The following SLC30A8 variants were observed in gnomAD, a reference collection of about 807,000 sequenced individuals.
SLC30A8 encodes proton-coupled zinc antiporter SLC30A8.
In SLC30A8, 27 loss-of-function variants were observed where a neutral mutation model predicts 36.9. That is an observed-to-expected ratio of 0.73 (90% confidence interval 0.54 to 1.01). The LOEUF is 1.01. Ranked by LOEUF, SLC30A8 falls within the 50% of genes least tolerant of loss-of-function variation. SLC30A8 has a pLI of 0.00. For missense variants in SLC30A8, 439 were observed against 452.0 expected (o/e 0.97, Z 0.26); for synonymous variants, 164 against 172.4 (o/e 0.95, Z 0.38).
chr8:117,089,658 G>A (rs967050039), intron 2 of SLC30A8, among the ~76,000 whole-genome samples: 4 of 152,158 alleles, frequency 2.6e-5, no homozygotes, highest in Non-Finnish European at 4.4e-5. Context: ...CTAGCTGTCT[G>A]CAATGTATAC....
At chr8:116,989,150 C>T (rs1441652136) in intron 1 of SLC30A8, among the ~76,000 whole-genome samples, 1 of 152,158 alleles carries the variant, frequency 6.6e-6, no homozygotes, top group African/African-American at 2.4e-5. Context: ...AAGATGCTGG[C>T]AACTTTGAAT....
At chr8:117,065,172 A>G (rs1818131326) in intron 2 of SLC30A8, among the ~76,000 whole-genome samples, 1 of 152,194 alleles carries the variant, frequency 6.6e-6, no homozygotes, top group African/African-American at 2.4e-5. Context: ...ACCATAAACT[A>G]TGGAAAAGTG....
At chr8:116,953,575 A>G (rs370051911) in intron 1 of SLC30A8, among the ~76,000 whole-genome samples, 11 of 152,020 alleles carry the variant, frequency 7.2e-5, no homozygotes, top group East Asian at 1.9e-4. Context: ...AAACACTTCT[A>G]CTATCATCTC....
intron 2 of SLC30A8, among the ~76,000 whole-genome samples, chr8:117,110,074 G>A (rs1050427033): frequency 6.6e-6 from 1 of 152,126 alleles, no homozygotes; most frequent in Non-Finnish European, 1.5e-5. Context: ...ATTACGCCTT[G>A]TAAGATAGAT....
intron 1 of SLC30A8, among the ~76,000 whole-genome samples, chr8:116,954,819 T>C (rs972292506): frequency 1.1e-4 from 17 of 152,178 alleles, no homozygotes; most frequent in African/African-American, 3.4e-4. Flanking sequence ...TGTTAATGGA[T>C]AGCCAAATAA....
chr8:117,027,988 G>T (rs1411167841), intron 1 of SLC30A8, among the ~76,000 whole-genome samples: 1 of 152,110 alleles, frequency 6.6e-6, no homozygotes, highest in Non-Finnish European at 1.5e-5. Context: ...TATTTACAAA[G>T]AATTTAAAAC....
At position 117,171,065 on chromosome 8, in the gene SLC30A8, G is replaced by A; in HGVS notation, c.861G>A (p.Val287=). 6.2e-7 allele frequency: 1 copy of A among 1,610,642 alleles called. No homozygotes were observed. Among genetic ancestry groups the A allele is most frequent in the Non-Finnish European group, 8.5e-7 (1 of 1,178,368 alleles). ...CAAAGAGCCTGAATTACAGTGGTGT[G>A]AAAGAGCTTATTTTAGCAGTCGACG... ...GVPKSLNYSG[V]KELILAVDGV... Residue 287 remains valine, a synonymous_variant, in exon 7 of 8, where the codon GTG becomes GTA. Coordinates refer to ENST00000456015, the MANE Select transcript of SLC30A8 (RefSeq NM_173851.3).
rs1218360025 is a variant in SLC30A8 at position 117,173,408 on chromosome 8, C to G, written c.*727C>G. On this transcript the variant is annotated 3_prime_UTR_variant, in exon 8 of 8. Coordinates refer to ENST00000456015, the MANE Select transcript of SLC30A8 (RefSeq NM_173851.3). ...AGCCAAAGAATGTGGTTGTAGAGAC[C>G]CAGAAGTCTTCAAGAACAGCCGACA... 1 of 152,036 alleles carries G rather than the reference C, an allele frequency of 6.6e-6. No individual in the cohort carries two copies. Among genetic ancestry groups the G allele is most frequent in the Admixed American group, 6.6e-5 (1 of 15,256 alleles). 9.4% of individuals were successfully genotyped at this position (152,036 alleles called of 1,614,324 possible). A position where few individuals can be genotyped will look rare whatever the true frequency, so the allele number is the denominator to read the frequency against.
At chr8:117,172,510 A>C in intron 7 of SLC30A8, 26 bp from the exon 8 acceptor site, 1 of 1,613,400 alleles carries the variant, frequency 6.2e-7, no homozygotes, top group Non-Finnish European at 8.5e-7. Flanking sequence ...ATCAGTGCTA[A>C]TCTCCCTGTG....
chr8:117,163,230 T>C (rs1428236915), intron 5 of SLC30A8, among the ~76,000 whole-genome samples, 195 bp from the exon 6 acceptor site: 1 of 152,224 alleles, frequency 6.6e-6, no homozygotes, highest in Non-Finnish European at 1.5e-5. Flanking sequence ...CTTTATTTGC[T>C]GGTAGTTTAA....
intron 2 of SLC30A8, among the ~76,000 whole-genome samples, chr8:117,047,027 C>G (rs191139822): frequency 1.3e-5 from 2 of 152,104 alleles, no homozygotes; most frequent in Non-Finnish European, 2.9e-5. Context: ...CCATGGATTG[C>G]CTGCTTTTGG....
intron 1 of SLC30A8, among the ~76,000 whole-genome samples, chr8:116,955,591 G>A (rs965013983): frequency 6.6e-6 from 1 of 151,944 alleles, no homozygotes; most frequent in African/African-American, 2.4e-5. Context: ...TTAGCCAGAC[G>A]TGATGGTGCA....
chr8:116,959,368 A>G (rs1271392638), intron 1 of SLC30A8, among the ~76,000 whole-genome samples: 1 of 152,166 alleles, frequency 6.6e-6, no homozygotes, highest in African/African-American at 2.4e-5. Context: ...ATAATTTTAT[A>G]GTAACTGTTT....
At chr8:117,002,309 T>G (rs551603975) in intron 1 of SLC30A8, among the ~76,000 whole-genome samples, 1 of 152,318 alleles carries the variant, frequency 6.6e-6, no homozygotes, top group South Asian at 2.1e-4. Context: ...TCCAGGTTGC[T>G]AAGCCCAAGT....
chr8:117,112,029 C>T (rs893251635), intron 2 of SLC30A8, among the ~76,000 whole-genome samples: 1 of 152,150 alleles, frequency 6.6e-6, no homozygotes, highest in African/African-American at 2.4e-5. Flanking sequence ...GCAGCAGCAT[C>T]TGGGCTATGC....
intron 1 of SLC30A8, among the ~76,000 whole-genome samples, chr8:117,139,859 T>TAAAAAAAAAAAAAAAAAA (rs61537395): frequency 9.1e-6 from 1 of 109,730 alleles, no homozygotes; most frequent in Non-Finnish European, 1.9e-5. Context: ...CAACATCTGG[T>TAAAAAAAAAAAAAAAAAA]AAAAAAAAAA....
chr8:117,027,927 G>A (rs2130734910), intron 1 of SLC30A8, among the ~76,000 whole-genome samples: 1 of 152,234 alleles, frequency 6.6e-6, no homozygotes, highest in South Asian at 2.1e-4. Flanking sequence ...CTAAGCCTAA[G>A]CTGCTTCACG....
chr8:117,167,260 T>C (rs568884827), intron 6 of SLC30A8, among the ~76,000 whole-genome samples: 2 of 152,166 alleles, frequency 1.3e-5, no homozygotes, highest in Non-Finnish European at 2.9e-5. Flanking sequence ...TTATAGAAAC[T>C]GGCAGATAAC....
intron 2 of SLC30A8, among the ~76,000 whole-genome samples, chr8:117,064,004 T>C (rs928489516): frequency 1.8e-5 from 2 of 111,212 alleles, no homozygotes; most frequent in African/African-American, 6.2e-5. Context: ...AAAAAAATCC[T>C]TTTTTTTTTT....
Sources: allele counts gnomAD v4.1 joint callset (sites outside exome capture counted in the v4.1 genomes callset), GRCh38; gene constraint gnomAD v4.1.1; transcripts MANE v1.5; gene names NCBI Gene and HGNC (gene_info 2026-07-23, HGNC 2026-07-21).